XPO4: variants seen among roughly 807,000 people sequenced by gnomAD.
XPO4 encodes exportin 4.
In XPO4, 39 loss-of-function variants were observed where a neutral mutation model predicts 143.0. The observed-to-expected ratio is 0.27, with a 90% CI of 0.21 to 0.36. The LOEUF (loss-of-function observed/expected upper bound fraction) is 0.36, where lower values mean the gene tolerates loss of function less well. Among genes scored for constraint, XPO4 ranks in the 10% least tolerant of loss-of-function variants. The probability of loss-of-function intolerance (pLI) is 1.00; values close to 1 mark genes in which losing one functional copy is unlikely to be tolerated. For missense variants in XPO4, 907 were observed against 1,348.0 expected (o/e 0.67, Z 5.12); for synonymous variants, 439 against 474.0 (o/e 0.93, Z 0.96).
At chr13:20,848,970 G>A (rs2138079628) in intron 4 of XPO4, 1 of 985,384 alleles carries the variant, frequency 1.0e-6, no homozygotes, top group East Asian at 1.1e-4. Flanking sequence ...CACATTGAAA[G>A]TCTTAGACCA....
At chr13:20,857,244 A>C (rs892120643) in intron 3 of XPO4, among the ~76,000 whole-genome samples, 2 of 152,230 alleles carry the variant, frequency 1.3e-5, no homozygotes, top group African/African-American at 4.8e-5. Context: ...GCTGAAGACT[A>C]TGACTACAAA....
In XPO4 at chr13:20,800,271, T is replaced by C; in HGVS notation, c.2032A>G (p.Ile678Val). The change falls in exon 15 of 23, where the codon ATA becomes GTA. Residue 678 changes from isoleucine to valine, a missense_variant. By Grantham distance (29) the Ile-to-Val change is conservative (BLOSUM62 3). Transcript: ENST00000255305. Reference protein sequence around the residue: ...FGADTEGSQWIIGYLLQKVIS... With the variant: ...FGADTEGSQWVIGYLLQKVIS... The stretch of plus-strand genomic sequence containing the variant: ...ACTTTTTGTAAGAGGTAGCCAATTA[T>C]CCACTGAGAACCCTCTGTATCTGCT... The C allele has an allele frequency of 6.2e-7, 1 of 1,614,044 alleles. No homozygotes were observed. Among genetic ancestry groups the C allele is most frequent in the Non-Finnish European group, 8.5e-7 (1 of 1,180,006 alleles).
chr13:20,809,283 T>C, intron 10 of XPO4, 58 bp from the exon 11 acceptor site: 1 of 1,549,464 alleles, frequency 6.5e-7, no homozygotes, highest in Non-Finnish European at 8.8e-7. Flanking sequence ...CAACGTGCAC[T>C]TCTGTGGCTC....
At chr13:20,879,075 G>T in intron 1 of XPO4, 1 of 969,742 alleles carries the variant, frequency 1.0e-6, no homozygotes, top group Non-Finnish European at 1.2e-6. Flanking sequence ...GGGATCCAAA[G>T]ATGAATGCAA....
chr13:20,859,357 T>G (rs567837436), intron 3 of XPO4, among the ~76,000 whole-genome samples: 14 of 152,130 alleles, frequency 9.2e-5, no homozygotes, highest in African/African-American at 3.4e-4. Flanking sequence ...TCCCAGCACT[T>G]TGGTAGGCTG....
chr13:20,822,122 G>A lies in XPO4; in HGVS notation c.998+10C>T, dbSNP rs931278725. On this transcript the variant is annotated intron_variant, in intron 8 of 22. Coordinates refer to ENST00000255305, the MANE Select transcript of XPO4 (RefSeq NM_022459.5). ...CTCCTTTTTCAGCTGCAAAGGGCAAGTATACCTACCCATTGATAGTATTCA... is the reference window on the plus strand; with the variant it reads ...CTCCTTTTTCAGCTGCAAAGGGCAAATATACCTACCCATTGATAGTATTCA... The A allele has an allele frequency of 6.2e-6, 10 of 1,604,622 alleles. No individual in the cohort carries two copies. Among genetic ancestry groups the A allele is most frequent in the Non-Finnish European group, 8.5e-6 (10 of 1,175,634 alleles).
At chr13:20,798,336 T>C (rs926473887) in intron 16 of XPO4, among the ~76,000 whole-genome samples, 3 of 152,154 alleles carry the variant, frequency 2.0e-5, no homozygotes, top group Admixed American at 1.3e-4. Context: ...TGCCAAAGAC[T>C]GCCAGCAAGC....
chr13:20,804,185 C>T (rs912404123), intron 13 of XPO4, among the ~76,000 whole-genome samples: 1 of 150,124 alleles, frequency 6.7e-6, no homozygotes, highest in African/African-American at 2.4e-5. Context: ...TATACATACA[C>T]TATATATATC....
In XPO4 at chr13:20,799,214, C is replaced by T. The variant is rs2059400389; in HGVS notation, c.2273G>A (p.Gly758Glu). The change falls in exon 16 of 23, where the codon GGA (glycine) becomes GAA (glutamate). Residue 758 changes from glycine (G) to glutamate (E), a missense_variant. Coordinates refer to ENST00000255305, the MANE Select transcript of XPO4 (RefSeq NM_022459.5). ...QRTLMKALVL[G>E]GFAHMDTETK... ...TTCTGTGTCCATATGTGCAAAACCT[C>T]CTAAGACTAGAGCCTTCATCAATGT... is the stretch of plus-strand genomic sequence containing the variant. 1 of 1,612,830 alleles carries T rather than the reference C, an allele frequency of 6.2e-7. No individual in the cohort carries two copies. The highest frequency in any genetic ancestry group is 8.5e-7 in the Non-Finnish European group (1 of 1,179,170).
intron 3 of XPO4, among the ~76,000 whole-genome samples, chr13:20,856,105 G>A (rs574694885): frequency 6.6e-6 from 1 of 152,244 alleles, no homozygotes; most frequent in South Asian, 2.1e-4. Flanking sequence ...ATTTGCTCCA[G>A]GAAGTGTTCA....
chr13:20,894,215 A>G (rs891589755), intron 1 of XPO4, among the ~76,000 whole-genome samples: 5 of 152,180 alleles, frequency 3.3e-5, no homozygotes, highest in Non-Finnish European at 7.3e-5. Context: ...CCTTCTCTAA[A>G]ATATTGTCAA....
intron 4 of XPO4, chr13:20,850,387 C>T (rs2060072062): frequency 3.6e-6 from 2 of 557,758 alleles, no homozygotes; most frequent in African/African-American, 4.1e-5. Context: ...GGGATTTAAA[C>T]CCAAGTGTGA....
At chr13:20,844,383 T>C (rs954004513) in intron 4 of XPO4, among the ~76,000 whole-genome samples, 11 of 152,134 alleles carry the variant, frequency 7.2e-5, no homozygotes, top group African/African-American at 2.7e-4. Context: ...TCCAAAATAT[T>C]ATAGCCAGGT....
intron 1 of XPO4, among the ~76,000 whole-genome samples, chr13:20,877,505 A>G (rs2060364418): frequency 6.6e-6 from 1 of 152,206 alleles, no homozygotes; most frequent in Non-Finnish European, 1.5e-5. Context: ...TCTACTAATC[A>G]TCTGGGACCA....
intron 7 of XPO4, among the ~76,000 whole-genome samples, chr13:20,825,997 C>T (rs1321313601): frequency 1.3e-5 from 2 of 152,126 alleles, no homozygotes; most frequent in Non-Finnish European, 2.9e-5. Flanking sequence ...TATATTTTTA[C>T]AACAAATGAA....
chr13:20,843,072 T>C (rs762727831), intron 5 of XPO4, 24 bp from the exon 6 acceptor site: 1 of 1,561,372 alleles, frequency 6.4e-7, no homozygotes, highest in Admixed American at 1.9e-5. Flanking sequence ...ATCACAAATA[T>C]TTTATATGAA....
At chr13:20,821,115 T>C (rs535286149) in intron 9 of XPO4, among the ~76,000 whole-genome samples, 1 of 152,248 alleles carries the variant, frequency 6.6e-6, no homozygotes, top group East Asian at 1.9e-4. Context: ...ATTTGGAAAT[T>C]TGTACCAAAA....
At chr13:20,848,179 C>T in intron 4 of XPO4, 1 of 941,854 alleles carries the variant, frequency 1.1e-6, no homozygotes, top group South Asian at 4.9e-5. Context: ...CTAAATGGAT[C>T]ATTTTCATTT....
chr13:20,892,016 GT>G lies in XPO4; in HGVS notation c.69+10653del, dbSNP rs1047260443. On this transcript the variant is annotated intron_variant, in intron 1 of 22. Transcript: ENST00000255305. ...AACATCAAAACCACAAATCTGACAAGTTTTTTTTTGTTTTGTTTTGTTTTTT... is the reference window on the plus strand; with the variant it reads ...AACATCAAAACCACAAATCTGACAAGTTTTTTTTGTTTTGTTTTGTTTTTT... 4.8e-5 allele frequency among the ~76,000 whole-genome samples: 7 copies of G among 147,000 alleles called. No homozygotes were observed. In the South Asian group the frequency reaches 6.9e-4, roughly 15 times the overall value.
Sources: allele counts gnomAD v4.1 joint callset (sites outside exome capture counted in the v4.1 genomes callset), GRCh38; gene constraint gnomAD v4.1.1; transcripts MANE v1.5; gene names NCBI Gene and HGNC (gene_info 2026-07-23, HGNC 2026-07-21).